The following MED13 variants were observed in gnomAD, a reference collection of about 807,000 sequenced individuals.
MED13 encodes mediator of RNA polymerase II transcription subunit 13.
In MED13, 23 loss-of-function variants were observed where a neutral mutation model predicts 225.2. That is an observed-to-expected ratio of 0.10 (90% CI 0.07 to 0.14). MED13 has a LOEUF of 0.14. Ranked by LOEUF, MED13 falls within the 10% of genes least tolerant of loss-of-function variation. The probability of loss-of-function intolerance (pLI) is 1.00; values close to 1 mark genes in which losing one functional copy is unlikely to be tolerated. For synonymous variants in MED13, 942 were observed against 889.2 expected (o/e 1.06, Z -1.06); for missense variants, 2,197 against 2,594.5 (o/e 0.85, Z 3.33).
chr17:61,965,155 G>A lies in MED13; in HGVS notation c.4695C>T (p.Asn1565=), dbSNP rs778574586. 9.3e-6 allele frequency: 15 copies of A among 1,613,976 alleles called. No individual in the cohort carries two copies. The highest frequency in any genetic ancestry group is 1.3e-5 in the Non-Finnish European group (15 of 1,180,022). ...TAGACATGGATCCTGCAGCATTACT[G>A]TTCATACTGCCAAAGGGTGGAAACG... The part of the protein sequence containing the change: ...LPSFPPFGSM[N]SNAAGSMSTQ... The change falls in exon 20 of 30, where the codon AAC becomes AAT. Residue 1565 remains asparagine, a synonymous_variant. Coordinates refer to ENST00000397786, the MANE Select transcript of MED13 (RefSeq NM_005121.3).
intron 18 of MED13, among the ~76,000 whole-genome samples, chr17:61,966,933 C>T (rs978858752): frequency 2.6e-5 from 4 of 151,714 alleles, no homozygotes; most frequent in Non-Finnish European, 5.9e-5. Flanking sequence ...AACAATAGTA[C>T]TAGAACCATT....
chr17:62,023,108 G>A (rs1055122744), intron 8 of MED13, among the ~76,000 whole-genome samples: 1 of 152,140 alleles, frequency 6.6e-6, no homozygotes, highest in African/African-American at 2.4e-5. Flanking sequence ...GAGTGAGTAG[G>A]CTTGGGGGAG....
rs1313138739 is a variant in MED13, at chr17:61,982,816, G to T, written c.3187C>A (p.Pro1063Thr). Residue 1063 changes from proline (P) to threonine (T), a missense_variant, in exon 16 of 30, where the codon CCT (proline) becomes ACT (threonine). Physicochemically the swap from Pro to Thr is conservative, Grantham distance 38. This residue lies in a region of MED13 where 99 missense variants were observed against 158.5 expected (regional missense o/e 0.62). Transcript: ENST00000397786. ...AGACTGTGTGCTTCAGGGATGGAAG[G>T]GACAGTTGCAGGTTCAACAGAATTA... ...PLNSVEPATV[P>T]SIPEAHSLYV... 1 of 1,614,158 alleles carries T rather than the reference G, an allele frequency of 6.2e-7. No homozygotes were observed. Among genetic ancestry groups the T allele is most frequent in the Non-Finnish European group, 8.5e-7 (1 of 1,180,042 alleles).
At position 61,945,199 on chromosome 17, in the gene MED13, A is replaced by C. The variant is rs1047842600; in HGVS notation, c.*1269T>G. On this transcript the variant is annotated 3_prime_UTR_variant, in exon 30 of 30. Coordinates refer to ENST00000397786, the MANE Select transcript of MED13 (RefSeq NM_005121.3). ...GAATACCAGAATTCACTGAGAATCT[A>C]TTTACACCACAGTTTGATTGCGCGC... 2 of 152,104 alleles carry C rather than the reference A, an allele frequency of 1.3e-5. No homozygotes were observed. Among genetic ancestry groups the C allele is most frequent in the Non-Finnish European group, 2.9e-5 (2 of 68,008 alleles). The allele number at this position is 152,104 out of a possible 1,614,324, so 9.4% of individuals were successfully genotyped here. A position where few individuals can be genotyped will look rare whatever the true frequency, so the allele number is the denominator to read the frequency against.
At chr17:61,976,016 CA>C (rs143566475) in intron 16 of MED13, among the ~76,000 whole-genome samples, 5 of 145,326 alleles carry the variant, frequency 3.4e-5, no homozygotes, top group African/African-American at 7.6e-5. Flanking sequence ...GACTCCGTCT[CA>C]AAAAAAAAAT....
chr17:61,981,114 C>A (rs2080200721), intron 16 of MED13, among the ~76,000 whole-genome samples: 1 of 152,096 alleles, frequency 6.6e-6, no homozygotes, highest in South Asian at 2.1e-4. Context: ...CTTCCGCCTC[C>A]CAGGTTCAAG....
In MED13 at chr17:62,033,698, G is replaced by A; in HGVS notation, c.814+89C>T. Reference sequence around the variant, plus strand: ...AATCTTTGGTGTTGAAAGCCACTGAGTTATTAGACTTGTTTGTTATTCAGC... The same window carrying A: ...AATCTTTGGTGTTGAAAGCCACTGAATTATTAGACTTGTTTGTTATTCAGC... On this transcript the variant is annotated intron_variant, in intron 5 of 29. Transcript: ENST00000397786. 6 of 1,233,010 alleles carry A rather than the reference G, an allele frequency of 4.9e-6. No individual in the cohort carries two copies. The South Asian group carries it at 8.5e-5, about 18-fold the overall frequency. The allele number at this position is 1,233,010 out of a possible 1,614,324, so 76.4% of individuals were successfully genotyped here. A position where few individuals can be genotyped will look rare whatever the true frequency, so the allele number is the denominator to read the frequency against.
rs1029989482 is a variant in MED13 at position 62,043,270 on chromosome 17, C to T, written c.471-7662G>A. On this transcript the variant is annotated intron_variant, in intron 3 of 29. Coordinates refer to ENST00000397786, the MANE Select transcript of MED13 (RefSeq NM_005121.3). ...GAAGTCTTAGCATTTTTCTCATAAACGTTCTAGAAAGCATGAAAATGTAGA... is the reference window on the plus strand; with the variant it reads ...GAAGTCTTAGCATTTTTCTCATAAATGTTCTAGAAAGCATGAAAATGTAGA... Among the ~76,000 whole-genome samples the T allele has an allele frequency of 6.1e-5, 9 of 148,746 alleles. No homozygotes were observed. In the East Asian group the frequency reaches 8.0e-4, roughly 13 times the overall value.
chr17:62,049,078 C>CAAA (rs890393330), intron 3 of MED13, among the ~76,000 whole-genome samples: 60 of 45,310 alleles, frequency 1.3e-3, no homozygotes, highest in African/African-American at 4.6e-3. Flanking sequence ...GTAAATAAGA[C>CAAA]AAAAAAAAAA....
chr17:62,003,747 G>T (rs1167974456), intron 9 of MED13: 1 of 151,388 alleles, frequency 6.6e-6, no homozygotes, highest in East Asian at 1.9e-4. Flanking sequence ...TGTCTATAAG[G>T]CAGAAAAAAA....
At chr17:61,992,027 AG>A (rs1488891317) in intron 11 of MED13, among the ~76,000 whole-genome samples, 25 of 152,252 alleles carry the variant, frequency 1.6e-4, no homozygotes, top group Admixed American at 1.6e-3. Flanking sequence ...CCATTGCTAT[AG>A]GCTTGAAAGT....
intron 8 of MED13, among the ~76,000 whole-genome samples, chr17:62,023,699 G>C (rs559234026): frequency 6.6e-6 from 1 of 151,902 alleles, no homozygotes; most frequent in Non-Finnish European, 1.5e-5. Context: ...ATTTGAGAGC[G>C]AGCTAGAGGC....
At chr17:61,988,831 C>T (rs992088838) in intron 11 of MED13, among the ~76,000 whole-genome samples, 1 of 151,466 alleles carries the variant, frequency 6.6e-6, no homozygotes, top group African/African-American at 2.4e-5. Flanking sequence ...ATGTTGGGAA[C>T]ACTTAAAATC....
At chr17:62,058,399 T>C (rs922764938) in intron 2 of MED13, among the ~76,000 whole-genome samples, 14 of 151,324 alleles carry the variant, frequency 9.3e-5, no homozygotes, top group East Asian at 1.9e-4. Context: ...CACATGCCTG[T>C]AGTCCCAACT....
At chr17:62,035,180 TA>T (rs1311150189) in intron 4 of MED13, among the ~76,000 whole-genome samples, 5 of 152,076 alleles carry the variant, frequency 3.3e-5, no homozygotes, top group Non-Finnish European at 7.4e-5. Context: ...ACATACAAGA[TA>T]ACCTTGAAAA....
chr17:61,998,524 T>C (rs2080364778), intron 9 of MED13, among the ~76,000 whole-genome samples: 1 of 151,270 alleles, frequency 6.6e-6, no homozygotes, highest in Admixed American at 6.6e-5. Context: ...ATGACAATTA[T>C]AGAAGCAGAT....
At position 61,983,119 on chromosome 17, in the gene MED13, C is replaced by T. The variant is rs779414692; in HGVS notation, c.2889-5G>A. The T allele has an allele frequency of 6.3e-7, 1 of 1,588,332 alleles. No individual in the cohort carries two copies. Among genetic ancestry groups the T allele is most frequent in the East Asian group, 2.2e-5 (1 of 44,554 alleles). ...TGATCCATATTACTTCCATCACTAT[C>T]ATCACCAGGGTAAAAGAAGATCAAA... On this transcript the variant is annotated splice_region_variant and splice_polypyrimidine_tract_variant and intron_variant, in intron 15 of 29. Coordinates refer to ENST00000397786, the MANE Select transcript of MED13 (RefSeq NM_005121.3).
chr17:62,039,570 C>T lies in MED13; in HGVS notation c.471-3962G>A, dbSNP rs149085777. On this transcript the variant is annotated intron_variant, in intron 3 of 29. Coordinates refer to ENST00000397786, the MANE Select transcript of MED13 (RefSeq NM_005121.3). ...AGTGCTATAAATTACAGGCATGAAC[C>T]ACCGCACCCAGCCAAGATTTTTTTT... Among the ~76,000 whole-genome samples the T allele has an allele frequency of 1.0e-3, 153 of 150,824 alleles. 1 individual carries two copies. The highest frequency in any genetic ancestry group is 3.6e-3 in the African/African-American group (147 of 41,100).
rs1555638734 is a variant in MED13 at position 62,014,310 on chromosome 17, T to TATATATATATA, written c.1284-3078_1284-3077insTATATATATAT. The stretch of plus-strand genomic sequence containing the variant: ...ATGATGGGAAGTTCTGTATATGTTT[T>TATATATATATA]TATATATATATATATATATATTTTG... On this transcript the variant is annotated intron_variant, in intron 8 of 29. Coordinates refer to ENST00000397786, the MANE Select transcript of MED13 (RefSeq NM_005121.3). Among the ~76,000 whole-genome samples, 1,272 of 143,058 alleles carry TATATATATATA rather than the reference T, an allele frequency of 8.9e-3. 37 individuals carry two copies. The highest frequency in any genetic ancestry group is 0.032 in the African/African-American group (1,186 of 37,148). The allele number at this position is 143,058 out of a possible 152,430, so 93.9% of individuals were successfully genotyped here.
Sources: gnomAD v4.1 joint callset for allele counts (sites outside exome capture counted in the v4.1 genomes callset) on GRCh38, gnomAD v4.1.1 for gene constraint, gnomAD v4.1.1 regional missense constraint, MANE v1.5 for transcripts, NCBI Gene and HGNC (gene_info 2026-07-23, HGNC 2026-07-21) for gene names.